Variants in FHIT observed in about 807,000 individuals in gnomAD.
The protein encoded by FHIT is bis(5'-adenosyl)-triphosphatase.
A neutral mutation model predicts 17.9 loss-of-function variants in FHIT; 19 were observed. That is an observed-to-expected ratio of 1.06 (90% confidence interval 0.74 to 1.56). The LOEUF is 1.56. Among genes scored for constraint, FHIT ranks in the 40% most tolerant of loss-of-function variants. The probability of loss-of-function intolerance (pLI) is 0.00; values close to 1 mark genes in which losing one functional copy is unlikely to be tolerated. For synonymous variants in FHIT, 81 were observed against 69.7 expected (o/e 1.16, Z -0.81); for missense variants, 248 against 189.2 (o/e 1.31, Z -1.82).
In FHIT at chr3:61,034,442, A is replaced by G. The variant is rs1487454694; in HGVS notation, c.-111+7605T>C. On this transcript the variant is annotated intron_variant, in intron 3 of 9. Transcript: ENST00000492590. The stretch of plus-strand genomic sequence containing the variant: ...AACAACAATAAAAACAAACAAACAA[A>G]AACAACAAAAAAACCAGGTAATGGG... Among the ~76,000 whole-genome samples the G allele has an allele frequency of 4.6e-5, 7 of 152,088 alleles. No homozygotes were observed. The East Asian group carries it at 1.3e-3, about 29-fold the overall frequency.
chr3:59,810,563 G>T (rs774238809), intron 8 of FHIT, among the ~76,000 whole-genome samples: 6 of 152,120 alleles, frequency 3.9e-5, no homozygotes, highest in African/African-American at 1.2e-4. Context: ...TGGCTGGCTG[G>T]GGCACTCAGA....
At chr3:59,766,863 T>A (rs760298008) in intron 8 of FHIT, among the ~76,000 whole-genome samples, 2 of 152,188 alleles carry the variant, frequency 1.3e-5, no homozygotes, top group Non-Finnish European at 2.9e-5. Context: ...TTCTCTCTTT[T>A]TGATTGATTT....
intron 3 of FHIT, among the ~76,000 whole-genome samples, chr3:60,863,918 C>G (rs1252749800): frequency 6.6e-6 from 1 of 152,054 alleles, no homozygotes; most frequent in African/African-American, 2.4e-5. Context: ...CTGTATTAGT[C>G]CATTTTCATA....
chr3:60,528,887 G>T (rs2035669737), intron 5 of FHIT, among the ~76,000 whole-genome samples: 1 of 152,176 alleles, frequency 6.6e-6, no homozygotes, highest in Non-Finnish European at 1.5e-5. Context: ...AGAGCTTTCA[G>T]GAACCACCTT....
chr3:60,671,261 T>C (rs893990171), intron 4 of FHIT, among the ~76,000 whole-genome samples: 1 of 152,060 alleles, frequency 6.6e-6, no homozygotes, highest in African/African-American at 2.4e-5. Context: ...AGAAGTCCAA[T>C]ATATAAGATA....
chr3:60,371,874 T>C (rs1423782309), intron 5 of FHIT, among the ~76,000 whole-genome samples: 1 of 150,670 alleles, frequency 6.6e-6, no homozygotes, highest in African/African-American at 2.4e-5. Context: ...AAAATGTTTA[T>C]CTAACAGATA....
intron 2 of FHIT, among the ~76,000 whole-genome samples, chr3:61,085,261 T>C (rs2035269266): frequency 6.6e-6 from 1 of 152,172 alleles, no homozygotes; most frequent in Non-Finnish European, 1.5e-5. Flanking sequence ...ACATTCCTAA[T>C]AGCTTTATTT....
Position 60,799,778 on chromosome 3 carries a change from T to C in FHIT, c.-18+22141A>G, listed in dbSNP as rs548780186. The stretch of plus-strand genomic sequence containing the variant: ...AATATATATGATTCTTGCTATATTC[T>C]GTCACTGCATCCTGTTCAATTTCCT... On this transcript the variant is annotated intron_variant, in intron 4 of 9. Coordinates refer to ENST00000492590, the MANE Select transcript of FHIT (RefSeq NM_002012.4). 3.9e-5 allele frequency among the ~76,000 whole-genome samples: 6 copies of C among 152,338 alleles called. No individual in the cohort carries two copies. The South Asian group carries it at 1.2e-3, about 32-fold the overall frequency.
chr3:60,333,452 T>G (rs1357251105), intron 5 of FHIT, among the ~76,000 whole-genome samples: 1 of 145,252 alleles, frequency 6.9e-6, no homozygotes, highest in African/African-American at 2.6e-5. Flanking sequence ...TAAGATACTG[T>G]GCCCTAAAAG....
intron 7 of FHIT, among the ~76,000 whole-genome samples, chr3:59,959,280 G>A (rs1245131329): frequency 6.6e-6 from 1 of 152,170 alleles, no homozygotes; most frequent in Non-Finnish European, 1.5e-5. Context: ...ACCCTTTAAA[G>A]ATGTCTCACC....
At chr3:59,962,015 G>A (rs1289770325) in intron 7 of FHIT, among the ~76,000 whole-genome samples, 1 of 152,060 alleles carries the variant, frequency 6.6e-6, no homozygotes, top group Non-Finnish European at 1.5e-5. Flanking sequence ...AGCCTCTCAA[G>A]GAATCCTCAA....
chr3:59,838,191 T>C (rs1314533677), intron 8 of FHIT, among the ~76,000 whole-genome samples: 1 of 152,098 alleles, frequency 6.6e-6, no homozygotes, highest in East Asian at 1.9e-4. Context: ...ATTACAGCTT[T>C]CCCCTAGCTA....
chr3:59,986,629 C>A, intron 7 of FHIT, among the ~76,000 whole-genome samples: 1 of 32,530 alleles, frequency 3.1e-5, no homozygotes, highest in African/African-American at 1.0e-4. Context: ...CTAGGATTTA[C>A]TATAGAAAAT....
chr3:60,721,175 G>T (rs1218678185), intron 4 of FHIT, among the ~76,000 whole-genome samples: 2 of 152,112 alleles, frequency 1.3e-5, no homozygotes, highest in Non-Finnish European at 2.9e-5. Context: ...AGAAATAGGT[G>T]AGCCGGGAAG....
At chr3:61,241,958 G>A (rs890148029) in intron 1 of FHIT, among the ~76,000 whole-genome samples, 35 of 152,176 alleles carry the variant, frequency 2.3e-4, no homozygotes, top group African/African-American at 7.7e-4. Flanking sequence ...TTCTCTGTAT[G>A]GAGTGAACAG....
At chr3:60,560,449 T>C (rs1331398718) in intron 4 of FHIT, among the ~76,000 whole-genome samples, 1 of 152,070 alleles carries the variant, frequency 6.6e-6, no homozygotes. Context: ...GCTTCATGAA[T>C]GGCTACTAGG....
At chr3:59,998,513 G>C (rs920416158) in intron 7 of FHIT, among the ~76,000 whole-genome samples, 18 of 152,082 alleles carry the variant, frequency 1.2e-4, no homozygotes, top group Non-Finnish European at 2.5e-4. Flanking sequence ...GGAGGACCTC[G>C]TGTTCTTTAG....
intron 7 of FHIT, among the ~76,000 whole-genome samples, chr3:60,008,273 G>A (rs1274856433): frequency 6.6e-6 from 1 of 152,120 alleles, no homozygotes; most frequent in African/African-American, 2.4e-5. Flanking sequence ...TCTCAAGCCT[G>A]CAGGACATCA....
chr3:61,022,566 C>G (rs1427544884), intron 3 of FHIT, among the ~76,000 whole-genome samples: 1 of 152,194 alleles, frequency 6.6e-6, no homozygotes, highest in Non-Finnish European at 1.5e-5. Flanking sequence ...GGCCAATATC[C>G]CTGATGAACA....
Sources: allele counts gnomAD v4.1 joint callset (sites outside exome capture counted in the v4.1 genomes callset), GRCh38; gene constraint gnomAD v4.1.1; transcripts MANE v1.5; gene names NCBI Gene and HGNC (gene_info 2026-07-23, HGNC 2026-07-21).